Variants in ANKS1B observed in about 807,000 individuals in gnomAD.
The protein encoded by ANKS1B is ankyrin repeat and sterile alpha motif domain-containing protein 1B.
ANKS1B carries 36 observed loss-of-function variants against 148.3 expected under a neutral mutation model. That is an observed-to-expected ratio of 0.24 (90% CI 0.19 to 0.32). The LOEUF (loss-of-function observed/expected upper bound fraction) is 0.32, where lower values mean the gene tolerates loss of function less well. ANKS1B is among the 10% of genes least tolerant of loss of function. ANKS1B has a pLI of 1.00. For missense variants in ANKS1B, 1,157 were observed against 1,542.6 expected (o/e 0.75, Z 4.19); for synonymous variants, 542 against 560.8 (o/e 0.97, Z 0.47).
At chr12:99,330,248 T>C (rs562277293) in intron 12 of ANKS1B, among the ~76,000 whole-genome samples, 4 of 152,140 alleles carry the variant, frequency 2.6e-5, no homozygotes, top group Non-Finnish European at 4.4e-5. Context: ...CTTGAGCCCA[T>C]TGTTCTTGAA....
At chr12:98,896,198 C>G (rs1312454334) in intron 17 of ANKS1B, among the ~76,000 whole-genome samples, 2 of 152,230 alleles carry the variant, frequency 1.3e-5, no homozygotes, top group East Asian at 3.8e-4. Context: ...ATAATCAACC[C>G]TGTTGTTCAG....
chr12:99,511,629 A>G (rs188369483), intron 9 of ANKS1B, among the ~76,000 whole-genome samples: 11 of 152,230 alleles, frequency 7.2e-5, no homozygotes, highest in African/African-American at 2.2e-4. Context: ...AAATGAAAAA[A>G]GTTGGAGGCA....
chr12:98,972,454 G>A (rs369784566), intron 17 of ANKS1B, among the ~76,000 whole-genome samples: 22 of 152,210 alleles, frequency 1.4e-4, no homozygotes, highest in African/African-American at 4.8e-4. Context: ...TTAACACCAT[G>A]GTAAGGTTGA....
chr12:99,780,569 A>G (rs1225828182), intron 5 of ANKS1B, among the ~76,000 whole-genome samples: 1 of 152,144 alleles, frequency 6.6e-6, no homozygotes, highest in East Asian at 1.9e-4. Flanking sequence ...GGCTTGAGCC[A>G]CCACGCCCGG....
At chr12:99,293,870 GA>G (rs1377363706) in intron 12 of ANKS1B, among the ~76,000 whole-genome samples, 2 of 152,152 alleles carry the variant, frequency 1.3e-5, no homozygotes, top group Non-Finnish European at 2.9e-5. Flanking sequence ...CAAAATATCT[GA>G]ATAGACATTT....
intron 9 of ANKS1B, among the ~76,000 whole-genome samples, chr12:99,521,260 A>T (rs1472673830): frequency 6.6e-6 from 1 of 152,168 alleles, no homozygotes; most frequent in East Asian, 1.9e-4. Flanking sequence ...TCTTTGTTAA[A>T]TTTATGTAAT....
At chr12:99,303,157 T>A (rs1218011233) in intron 12 of ANKS1B, among the ~76,000 whole-genome samples, 1 of 152,128 alleles carries the variant, frequency 6.6e-6, no homozygotes, top group African/African-American at 2.4e-5. Context: ...TACACAGCAG[T>A]ACTGCTGACC....
At chr12:99,448,052 A>G (rs1384840425) in intron 10 of ANKS1B, among the ~76,000 whole-genome samples, 2 of 152,096 alleles carry the variant, frequency 1.3e-5, no homozygotes, top group African/African-American at 2.4e-5. Context: ...GAGTTCCTCA[A>G]AAACAAAATA....
chr12:99,172,141 G>C (rs542078077), intron 14 of ANKS1B, among the ~76,000 whole-genome samples: 1 of 152,100 alleles, frequency 6.6e-6, no homozygotes. Flanking sequence ...ATGTGCAAAG[G>C]TATGTTTGAG....
chr12:99,896,249 C>T (rs2093381158), intron 1 of ANKS1B, among the ~76,000 whole-genome samples: 1 of 151,144 alleles, frequency 6.6e-6, no homozygotes, highest in Admixed American at 6.6e-5. Flanking sequence ...TCTCCCACAC[C>T]CTTCATTCCT....
At chr12:98,915,852 C>G (rs2099793642) in intron 17 of ANKS1B, among the ~76,000 whole-genome samples, 1 of 152,176 alleles carries the variant, frequency 6.6e-6, no homozygotes, top group South Asian at 2.1e-4. Context: ...ACGGGCAGAA[C>G]CAAGACTCAA....
intron 17 of ANKS1B, among the ~76,000 whole-genome samples, chr12:98,910,239 A>G (rs968173249): frequency 2.6e-5 from 4 of 152,184 alleles, no homozygotes; most frequent in Admixed American, 6.5e-5. Context: ...TCAAATATAC[A>G]TATATATAGA....
rs116932576 is a variant in ANKS1B, at chr12:98,842,721, C to T, written c.2779-10585G>A. Among the ~76,000 whole-genome samples, 1,218 of 152,266 alleles carry T rather than the reference C, an allele frequency of 8.0e-3. 21 individuals are homozygous for T. The highest frequency in any genetic ancestry group is 0.061 in the East Asian group (315 of 5,182). On this transcript the variant is annotated intron_variant, in intron 17 of 26. Coordinates refer to ENST00000683438, the MANE Select transcript of ANKS1B (RefSeq NM_001352186.2). ...ACCTCTGTTGTCTTGGAATATACCA[C>T]TTATCAGCTGGATGGAAGGGTGAGC...
At chr12:99,392,309 A>G (rs1567014799) in intron 12 of ANKS1B, among the ~76,000 whole-genome samples, 1 of 152,226 alleles carries the variant, frequency 6.6e-6, no homozygotes, top group Non-Finnish European at 1.5e-5. Context: ...ATCCCTGATC[A>G]GTGTGAGAGG....
chr12:99,365,763 G>A (rs1344172651), intron 12 of ANKS1B, among the ~76,000 whole-genome samples: 1 of 152,068 alleles, frequency 6.6e-6, no homozygotes, highest in Non-Finnish European at 1.5e-5. Flanking sequence ...AGAAGTGGCG[G>A]TCTCTATCAG....
intron 12 of ANKS1B, among the ~76,000 whole-genome samples, chr12:99,287,594 G>C (rs2079314891): frequency 6.6e-6 from 1 of 152,154 alleles, no homozygotes; most frequent in East Asian, 1.9e-4. Flanking sequence ...CTGAGTAAGA[G>C]ATATGTGACC....
chr12:99,812,109 T>C, intron 3 of ANKS1B, 46 bp downstream of exon 3: 1 of 1,581,836 alleles, frequency 6.3e-7, no homozygotes, highest in South Asian at 1.2e-5. Flanking sequence ...CTTTGCCTTG[T>C]AAAACTAGAA....
chr12:98,968,307 G>C (rs2099880319), intron 17 of ANKS1B, among the ~76,000 whole-genome samples: 1 of 152,132 alleles, frequency 6.6e-6, no homozygotes, highest in Admixed American at 6.6e-5. Flanking sequence ...ATTTGTAGAA[G>C]TGCAAATTAA....
intron 9 of ANKS1B, among the ~76,000 whole-genome samples, chr12:99,523,859 G>C (rs1158444443): frequency 9.2e-5 from 14 of 152,126 alleles, no homozygotes; most frequent in Admixed American, 9.2e-4. Context: ...GCCTATACAA[G>C]GTATCTTCTG....
Sources: allele counts gnomAD v4.1 joint callset (sites outside exome capture counted in the v4.1 genomes callset), GRCh38; gene constraint gnomAD v4.1.1; transcripts MANE v1.5; gene names NCBI Gene and HGNC (gene_info 2026-07-23, HGNC 2026-07-21).